Variants in PADI1 observed in about 807,000 individuals in gnomAD.
PADI1 encodes the protein protein-arginine deiminase type-1.
PADI1 carries 65 observed loss-of-function variants against 74.8 expected under a neutral mutation model. That is an observed-to-expected ratio of 0.87 (90% CI 0.71 to 1.07). PADI1 has a LOEUF of 1.07. PADI1 is among the 50% of genes least tolerant of loss of function. The probability of loss-of-function intolerance (pLI) is 0.00; values close to 1 mark genes in which losing one functional copy is unlikely to be tolerated. For missense variants in PADI1, 943 were observed against 854.0 expected (o/e 1.10, Z -1.30); for synonymous variants, 371 against 336.2 (o/e 1.10, Z -1.13).
chr1:17,222,199 C>A, intron 1 of PADI1, 91 bp from the exon 2 acceptor site: 1 of 896,650 alleles, frequency 1.1e-6, no homozygotes, highest in Non-Finnish European at 1.8e-6. Flanking sequence ...ATTTGAACGG[C>A]CTGGCAGCCC....
chr1:17,226,207 C>T lies in PADI1; in HGVS notation c.652+49C>T, dbSNP rs748364429. 7 of 1,584,862 alleles carry T rather than the reference C, an allele frequency of 4.4e-6. No homozygotes were observed. The East Asian group carries it at 1.1e-4, about 25-fold the overall frequency. The stretch of plus-strand genomic sequence containing the variant: ...TCCTCCCAGCTCCATCCATATCTAT[C>T]CTCTCCTCCCCCATCTCTCTCTCTT... On this transcript the variant is annotated intron_variant, in intron 6 of 15. Transcript: ENST00000375471.
intron 11 of PADI1, 124 bp from the exon 12 acceptor site, chr1:17,237,190 C>T (rs1357059426): frequency 1.1e-5 from 12 of 1,113,448 alleles, no homozygotes; most frequent in African/African-American, 4.7e-5. Context: ...CCACGCTCTA[C>T]GCCCCACGTT....
At chr1:17,238,291 C>T (rs2072695265) in intron 12 of PADI1, among the ~76,000 whole-genome samples, 1 of 152,272 alleles carries the variant, frequency 6.6e-6, no homozygotes, top group African/African-American at 2.4e-5. Context: ...ATCTGCCCAC[C>T]TTGGCCTCCC....
At position 17,230,117 on chromosome 1, in the gene PADI1, T is replaced by A. The variant is rs1454875895; in HGVS notation, c.962T>A (p.Phe321Tyr). Residue 321 changes from phenylalanine to tyrosine, a missense_variant, in exon 9 of 16, where the codon TTC becomes TAC. Phe to Tyr is a conservative substitution (Grantham distance 22). Coordinates refer to ENST00000375471, the MANE Select transcript of PADI1 (RefSeq NM_013358.3). ...GACACTCATGGCTCCAATGAGAAAT[T>A]CCTGGAGGACATGTCTTATCTGACA... is the stretch of plus-strand genomic sequence containing the variant. ...VMDTHGSNEKFLEDMSYLTLK... is the reference protein window; with the variant it reads ...VMDTHGSNEKYLEDMSYLTLK... 1 of 1,613,886 alleles carries A rather than the reference T, an allele frequency of 6.2e-7. No homozygotes were observed. Among genetic ancestry groups the A allele is most frequent in the Non-Finnish European group, 8.5e-7 (1 of 1,179,898 alleles).
intron 1 of PADI1, among the ~76,000 whole-genome samples, chr1:17,218,964 G>C (rs1366053221): frequency 6.6e-6 from 1 of 152,150 alleles, no homozygotes; most frequent in Non-Finnish European, 1.5e-5. Flanking sequence ...GGGGAAGAGT[G>C]GGGAGGCTTC....
At chr1:17,221,859 A>T (rs954856051) in intron 1 of PADI1, among the ~76,000 whole-genome samples, 7 of 152,238 alleles carry the variant, frequency 4.6e-5, no homozygotes, top group African/African-American at 1.7e-4. Flanking sequence ...GATGGAAACC[A>T]CTGCTTTCCA....
At chr1:17,223,053 A>T (rs538060612) in intron 2 of PADI1, among the ~76,000 whole-genome samples, 4 of 152,294 alleles carry the variant, frequency 2.6e-5, no homozygotes, top group African/African-American at 9.6e-5. Flanking sequence ...CTGTGGGCTC[A>T]GACCCCACCT....
At chr1:17,240,030 C>G in intron 14 of PADI1, 1 of 488,434 alleles carries the variant, frequency 2.0e-6, no homozygotes, top group East Asian at 3.3e-5. Context: ...GGGCAATGAC[C>G]TATTTTCACA....
chr1:17,214,063 AG>A (rs2071906850), intron 1 of PADI1, among the ~76,000 whole-genome samples: 1 of 152,172 alleles, frequency 6.6e-6, no homozygotes, highest in African/African-American at 2.4e-5. Flanking sequence ...GAAGCACATA[AG>A]GTTTCTGGCT....
chr1:17,225,449 G>C (rs537083146), intron 4 of PADI1, among the ~76,000 whole-genome samples: 1 of 152,158 alleles, frequency 6.6e-6, no homozygotes, highest in Non-Finnish European at 1.5e-5. Context: ...TCCAGATCCC[G>C]ACCCTCATCA....
At chr1:17,224,465 GA>G in intron 4 of PADI1, 37 bp downstream of exon 4, 1 of 1,551,196 alleles carries the variant, frequency 6.4e-7, no homozygotes, top group Non-Finnish European at 8.9e-7. Context: ...CTGCGGGGTT[GA>G]AAGGCAAACT....
chr1:17,238,775 C>A, intron 13 of PADI1, 66 bp downstream of exon 13: 1 of 742,294 alleles, frequency 1.3e-6, no homozygotes, highest in Non-Finnish European at 2.0e-6. Context: ...TTGGGTACAG[C>A]CCCTGCACCT....
chr1:17,235,275 G>GAAGGA (rs2072609737), intron 11 of PADI1, among the ~76,000 whole-genome samples: 1 of 145,656 alleles, frequency 6.9e-6, no homozygotes, highest in Non-Finnish European at 1.5e-5. Context: ...AGGAAGGAAG[G>GAAGGA]AAGGAAGGAA....
chr1:17,240,563 A>T, intron 14 of PADI1, 72 bp from the exon 15 acceptor site: 2 of 1,559,722 alleles, frequency 1.3e-6, no homozygotes, highest in East Asian at 2.3e-5. Flanking sequence ...ACACGGGCCC[A>T]GCGCACAGTA....
Position 17,240,769 on chromosome 1 carries a change from C to T in PADI1, c.1758+9C>T, listed in dbSNP as rs1300814373. ...CCTTCTTCCCAGACATGGTGAGAGC[C>T]CTTGTGCAGGGTCCTGCTGGGGGGT... On this transcript the variant is annotated intron_variant, in intron 15 of 15. Transcript: ENST00000375471. 1 of 1,613,140 alleles carries T rather than the reference C, an allele frequency of 6.2e-7. No homozygotes were observed. Among genetic ancestry groups the T allele is most frequent in the Non-Finnish European group, 8.5e-7 (1 of 1,179,428 alleles).
intron 12 of PADI1, among the ~76,000 whole-genome samples, chr1:17,238,067 G>A (rs866129971): frequency 3.3e-5 from 5 of 152,252 alleles, no homozygotes; most frequent in Middle Eastern, 3.4e-3. Flanking sequence ...TTTGTTTTTC[G>A]AGACAGAATC....
chr1:17,238,514 GA>G, intron 12 of PADI1, 101 bp from the exon 13 acceptor site: 1 of 476,746 alleles, frequency 2.1e-6, no homozygotes, highest in Non-Finnish European at 3.7e-6. Flanking sequence ...TGGGAGAGGG[GA>G]GTCCCAAGAA....
At chr1:17,210,455 C>T (rs996559729) in intron 1 of PADI1, among the ~76,000 whole-genome samples, 7 of 152,096 alleles carry the variant, frequency 4.6e-5, no homozygotes, top group Non-Finnish European at 1.0e-4. Context: ...TGGTCCCCAG[C>T]CCCTGTTTAT....
Position 17,235,293 on chromosome 1 carries a change from G to GGGAAGGAA in PADI1, c.1314-2013_1314-2006dup, listed in dbSNP as rs796120861. 2.2e-4 allele frequency among the ~76,000 whole-genome samples: 14 copies of GGGAAGGAA among 62,874 alleles called. 1 individual carries two copies. The highest frequency in any genetic ancestry group is 7.7e-4 in the African/African-American group (13 of 16,878). 41.2% of individuals were successfully genotyped at this position (62,874 alleles called of 152,430 possible). ...AAGGAAGGAAGGAAGGAAGGAAGGA[G>GGGAAGGAA]GGAAGGAAGGAAGGAGGCAAAGTAG... is the stretch of plus-strand genomic sequence containing the variant. On this transcript the variant is annotated intron_variant, in intron 11 of 15. Coordinates refer to ENST00000375471, the MANE Select transcript of PADI1 (RefSeq NM_013358.3).
Sources: allele counts gnomAD v4.1 joint callset (sites outside exome capture counted in the v4.1 genomes callset), GRCh38; gene constraint gnomAD v4.1.1; transcripts MANE v1.5; gene names NCBI Gene and HGNC (gene_info 2026-07-23, HGNC 2026-07-21).